The following DSCAM variants were observed in gnomAD, a reference collection of about 807,000 sequenced individuals.
The protein encoded by DSCAM is DS cell adhesion molecule, also known as cell adhesion molecule DSCAM.
DSCAM carries 47 observed loss-of-function variants against 217.7 expected under a neutral mutation model. That is an observed-to-expected ratio of 0.22 (90% CI 0.17 to 0.28). The LOEUF (loss-of-function observed/expected upper bound fraction) is 0.28. Among genes scored for constraint, DSCAM ranks in the 10% least tolerant of loss-of-function variants. The pLI, the probability that DSCAM is intolerant of heterozygous loss-of-function variation, is 1.00. For synonymous variants in DSCAM, 1,056 were observed against 1,015.3 expected, an observed-to-expected ratio of 1.04 and a Z score of -0.76; for missense variants, 2,080 against 2,618.3, an observed-to-expected ratio of 0.79 and a Z score of 4.49.
chr21:40,364,004 T>C (rs1240130167), intron 4 of DSCAM, among the ~76,000 whole-genome samples: 3 of 152,126 alleles, frequency 2.0e-5, no homozygotes, highest in Non-Finnish European at 4.4e-5. Flanking sequence ...GTTAGAATGG[T>C]GATCATTAAA....
intron 3 of DSCAM, among the ~76,000 whole-genome samples, chr21:40,604,543 G>A (rs1372239624): frequency 6.6e-6 from 1 of 152,144 alleles, no homozygotes; most frequent in African/African-American, 2.4e-5. Context: ...AATATAATTA[G>A]ACTTTTAGCA....
chr21:40,283,319 C>T (rs1294810823), intron 10 of DSCAM, among the ~76,000 whole-genome samples: 3 of 152,162 alleles, frequency 2.0e-5, no homozygotes, highest in South Asian at 2.1e-4. Flanking sequence ...TAAAACACTG[C>T]CAATTTTCTG....
intron 14 of DSCAM, among the ~76,000 whole-genome samples, chr21:40,184,538 A>G (rs1273411142): frequency 6.6e-6 from 1 of 152,172 alleles, no homozygotes; most frequent in Non-Finnish European, 1.5e-5. Context: ...GAAGTAGGGC[A>G]TGAAGGATGG....
intron 32 of DSCAM, 80 bp from the exon 33 acceptor site, chr21:40,013,466 C>T: frequency 4.7e-6 from 5 of 1,073,974 alleles, no homozygotes; most frequent in Non-Finnish European, 6.5e-6. Context: ...ACACGGGAAG[C>T]CATGCGGGCT....
At chr21:40,721,206 T>C (rs1189069102) in intron 1 of DSCAM, among the ~76,000 whole-genome samples, 1 of 152,134 alleles carries the variant, frequency 6.6e-6, no homozygotes, top group African/African-American at 2.4e-5. Context: ...AACAAAAAAC[T>C]TTGATGATAA....
chr21:40,610,266 G>A (rs979015210), intron 3 of DSCAM, among the ~76,000 whole-genome samples: 23 of 152,170 alleles, frequency 1.5e-4, no homozygotes, highest in African/African-American at 2.4e-4. Flanking sequence ...ACGGCCACTC[G>A]GTGTACATTT....
chr21:40,455,002 A>G (rs757657047), intron 3 of DSCAM, among the ~76,000 whole-genome samples: 2 of 152,220 alleles, frequency 1.3e-5, no homozygotes, highest in Non-Finnish European at 2.9e-5. Context: ...GTAACCTGAT[A>G]TCAGAAGGTA....
intron 8 of DSCAM, among the ~76,000 whole-genome samples, chr21:40,327,732 T>C (rs1236437863): frequency 6.6e-6 from 1 of 152,160 alleles, no homozygotes; most frequent in African/African-American, 2.4e-5. Context: ...TGTATCTAAA[T>C]TGTTGAGAAT....
chr21:40,281,549 T>C (rs7280859), intron 10 of DSCAM, among the ~76,000 whole-genome samples: 2,488 of 152,242 alleles, frequency 0.016, 83 homozygotes, highest in African/African-American at 0.057. Context: ...ATTCAAATCT[T>C]AAAATATATT....
intron 3 of DSCAM, among the ~76,000 whole-genome samples, chr21:40,605,923 C>T (rs1011635810): frequency 2.6e-5 from 4 of 150,952 alleles, no homozygotes. Flanking sequence ...GCCTCAGCCT[C>T]CCGAGTAGCT....
intron 3 of DSCAM, among the ~76,000 whole-genome samples, chr21:40,681,525 A>G (rs1321174017): frequency 6.8e-6 from 1 of 148,006 alleles, no homozygotes. Flanking sequence ...TTGAGTATAT[A>G]TTTATCAGTT....
At chr21:40,160,357 T>C (rs1003487150) in intron 16 of DSCAM, among the ~76,000 whole-genome samples, 1 of 152,208 alleles carries the variant, frequency 6.6e-6, no homozygotes, top group African/African-American at 2.4e-5. Flanking sequence ...TTATATATAA[T>C]TTACTTGTTG....
chr21:40,166,877 A>T (rs1197258266), intron 16 of DSCAM, among the ~76,000 whole-genome samples: 1 of 152,136 alleles, frequency 6.6e-6, no homozygotes, highest in Non-Finnish European at 1.5e-5. Flanking sequence ...ATTTAAAAAA[A>T]GCAATTTGAA....
At chr21:40,181,224 T>G (rs1601415142) in intron 14 of DSCAM, among the ~76,000 whole-genome samples, 1 of 60,006 alleles carries the variant, frequency 1.7e-5, no homozygotes, top group East Asian at 3.3e-4. Flanking sequence ...CCTAGTTATA[T>G]TTATATCTCA....
intron 3 of DSCAM, among the ~76,000 whole-genome samples, chr21:40,508,461 C>T (rs1453332732): frequency 6.6e-6 from 1 of 151,774 alleles, no homozygotes; most frequent in Non-Finnish European, 1.5e-5. Context: ...GTAAAAAGAT[C>T]CCAAGCATAG....
At position 40,144,395 on chromosome 21, in the gene DSCAM, T is replaced by C. The variant is rs2297265; in HGVS notation, c.3259+96A>G. 1.3e-6 allele frequency: 2 copies of C among 1,550,352 alleles called. No individual in the cohort carries two copies. Among genetic ancestry groups the C allele is most frequent in the South Asian group, 2.4e-5 (2 of 81,844 alleles). On this transcript the variant is annotated intron_variant, in intron 17 of 32. Transcript: ENST00000400454. The surrounding 1 kb of genome is among the most constrained non-coding windows in gnomAD (Gnocchi z 4.8). ...GGCCCTGCAGGTCACTGCAAAGTCG[T>C]GGGGCGGGGGAGTGCGAGGTTGGGG...
At position 40,708,759 on chromosome 21, in the gene DSCAM, T is replaced by C. The variant is rs1267106512; in HGVS notation, c.56A>G (p.Asp19Gly). 2 of 1,562,602 alleles carry C rather than the reference T, an allele frequency of 1.3e-6. No individual in the cohort carries two copies. Among genetic ancestry groups the C allele is most frequent in the Non-Finnish European group, 1.7e-6 (2 of 1,150,324 alleles). ...FQSFANVFSEDLHSSLYFVNA... is the reference protein window; with the variant it reads ...FQSFANVFSEGLHSSLYFVNA... ...GACAAAGTAGAGGCTGGAGTGTAGG[T>C]CTTCACTGAAAACTGCAAGAAGACA... The change falls in exon 2 of 33, where the codon GAC (aspartate) becomes GGC (glycine). Residue 19 changes from aspartate to glycine, a missense_variant. Transcript: ENST00000400454.
At chr21:40,103,349 A>G (rs1362695328) in intron 20 of DSCAM, among the ~76,000 whole-genome samples, 2 of 152,190 alleles carry the variant, frequency 1.3e-5, no homozygotes, top group African/African-American at 4.8e-5. Flanking sequence ...TCCCCCAAGC[A>G]ATAAACAAAA....
At chr21:40,324,700 T>C (rs930751260) in intron 8 of DSCAM, among the ~76,000 whole-genome samples, 2 of 152,170 alleles carry the variant, frequency 1.3e-5, no homozygotes, top group African/African-American at 4.8e-5. Context: ...AGGTTATGTT[T>C]CCCCTGGTTG....
Sources: gnomAD v4.1 joint callset for allele counts (sites outside exome capture counted in the v4.1 genomes callset) on GRCh38, gnomAD v4.1.1 for gene constraint, Gnocchi (gnomAD v3.1) non-coding constraint, MANE v1.5 for transcripts, NCBI Gene and HGNC (gene_info 2026-07-23, HGNC 2026-07-21) for gene names.